PARD3B: variants seen among roughly 807,000 people sequenced by gnomAD.
PARD3B encodes the protein par-3 family cell polarity regulator beta.
In PARD3B, 103 loss-of-function variants were observed where a neutral mutation model predicts 130.2. The observed-to-expected ratio is 0.79, with a 90% CI of 0.67 to 0.93. The LOEUF (loss-of-function observed/expected upper bound fraction) is 0.93, where lower values mean the gene tolerates loss of function less well. PARD3B is among the 40% of genes least tolerant of loss of function. The pLI, the probability that PARD3B is intolerant of heterozygous loss-of-function variation, is 0.00. For missense variants in PARD3B, 1,609 were observed against 1,499.2 expected, an observed-to-expected ratio of 1.07 and a Z score of -1.21; for synonymous variants, 583 against 553.2, an observed-to-expected ratio of 1.05 and a Z score of -0.76.
At position 205,034,967 on chromosome 2, in the gene PARD3B, C is replaced by CT. The variant is rs199760065; in HGVS notation, c.395-12613dup. ...CGCCACCTGAGTTCAAGTGATCCTC[C>CT]TGCCTCATCCTCCAGAGTAGCTGGG... On this transcript the variant is annotated intron_variant, in intron 3 of 22. Coordinates refer to ENST00000406610, the MANE Select transcript of PARD3B (RefSeq NM_001302769.2). Among the ~76,000 whole-genome samples the CT allele has an allele frequency of 3.6e-3, 552 of 152,280 alleles. 3 individuals carry two copies. The highest frequency in any genetic ancestry group is 0.012 in the African/African-American group (510 of 41,578).
rs1181319206 is a variant in PARD3B, at chr2:205,341,854, A to G, written c.2630+40153A>G. ...TCTGTATTACTCCTAAATATGTACA[A>G]TTATTACACATCAACTAAAAATAAA... is the stretch of plus-strand genomic sequence containing the variant. On this transcript the variant is annotated intron_variant, in intron 18 of 22. Transcript: ENST00000406610. The surrounding 1 kb of genome is among the most constrained non-coding windows in gnomAD (Gnocchi z 4.3). Among the ~76,000 whole-genome samples, 1 of 152,140 alleles carries G rather than the reference A, an allele frequency of 6.6e-6. No homozygotes were observed. The highest frequency in any genetic ancestry group is 2.4e-5 in the African/African-American group (1 of 41,458).
At chr2:205,533,025 C>A (rs992199571) in intron 21 of PARD3B, among the ~76,000 whole-genome samples, 1 of 152,048 alleles carries the variant, frequency 6.6e-6, no homozygotes, top group Non-Finnish European at 1.5e-5. Context: ...ATCAATGGAG[C>A]TTTATTAAAA....
intron 2 of PARD3B, among the ~76,000 whole-genome samples, chr2:204,865,358 G>A (rs1441022588): frequency 6.6e-6 from 1 of 152,156 alleles, no homozygotes; most frequent in South Asian, 2.1e-4. Flanking sequence ...GGAAAATATG[G>A]AGCCAGTCCA....
At chr2:205,560,442 T>G (rs2053089158) in intron 22 of PARD3B, among the ~76,000 whole-genome samples, 1 of 146,200 alleles carries the variant, frequency 6.8e-6, no homozygotes, top group African/African-American at 2.5e-5. Context: ...TAGATGAACA[T>G]TAAGCAATAT....
intron 4 of PARD3B, among the ~76,000 whole-genome samples, chr2:205,096,590 G>T (rs1702414109): frequency 6.6e-6 from 1 of 152,110 alleles, no homozygotes; most frequent in African/African-American, 2.4e-5. Flanking sequence ...ATTTTACAAA[G>T]TTCAGAACTG....
chr2:204,555,970 C>T (rs749716827), intron 1 of PARD3B, among the ~76,000 whole-genome samples: 6 of 152,096 alleles, frequency 3.9e-5, no homozygotes, highest in African/African-American at 1.2e-4. Context: ...CCTACCATAC[C>T]ACTTATTTTA....
intron 3 of PARD3B, among the ~76,000 whole-genome samples, chr2:204,985,626 A>C (rs1693066889): frequency 6.6e-6 from 1 of 152,172 alleles, no homozygotes; most frequent in Non-Finnish European, 1.5e-5. Context: ...TGACTTCTTC[A>C]GTGGCAGAGG....
intron 15 of PARD3B, among the ~76,000 whole-genome samples, chr2:205,238,858 A>ATATATATATATATATGTATGTGTG (rs1403875395): frequency 2.0e-4 from 18 of 91,360 alleles, no homozygotes; most frequent in Non-Finnish European, 3.2e-4. Flanking sequence ...AAATATATAT[A>ATATATATATATATATGTATGTGTG]TATATATATA....
intron 18 of PARD3B, among the ~76,000 whole-genome samples, chr2:205,345,493 C>A (rs2043717798): frequency 6.6e-6 from 1 of 151,988 alleles, no homozygotes; most frequent in Admixed American, 6.6e-5. Flanking sequence ...GTCAGAGAGA[C>A]CTTCCTGCTT....
chr2:205,053,417 C>T (rs1383983605), intron 4 of PARD3B, among the ~76,000 whole-genome samples: 1 of 151,946 alleles, frequency 6.6e-6, no homozygotes, highest in Non-Finnish European at 1.5e-5. Flanking sequence ...GCAGGTGGAT[C>T]ACCTGAGGTT....
intron 16 of PARD3B, among the ~76,000 whole-genome samples, chr2:205,259,574 A>G (rs2040222565): frequency 6.6e-6 from 1 of 152,084 alleles, no homozygotes; most frequent in African/African-American, 2.4e-5. Context: ...GGTATGTGGT[A>G]TGACTCCCAT....
At chr2:204,935,083 T>A (rs978321224) in intron 2 of PARD3B, among the ~76,000 whole-genome samples, 1 of 152,044 alleles carries the variant, frequency 6.6e-6, no homozygotes, top group Non-Finnish European at 1.5e-5. Context: ...GTCACTGTTA[T>A]CCCACAGTTT....
intron 18 of PARD3B, among the ~76,000 whole-genome samples, chr2:205,356,045 A>G (rs1038330107): frequency 1.3e-5 from 2 of 152,184 alleles, no homozygotes; most frequent in Non-Finnish European, 2.9e-5. Context: ...AAACCTAACC[A>G]TATCACATAT....
Position 204,619,922 on chromosome 2 carries a change from G to A in PARD3B, c.121-66259G>A, listed in dbSNP as rs1037487730. Among the ~76,000 whole-genome samples, 71 of 152,094 alleles carry A rather than the reference G, an allele frequency of 4.7e-4. 1 individual carries two copies. The highest frequency in any genetic ancestry group is 5.6e-4 in the African/African-American group (23 of 41,420). ...GGGAAGGGTGCTCTACTTATTGTAG[G>A]CACTCAGGCTGACAAAGCTCCATCT... On this transcript the variant is annotated intron_variant, in intron 1 of 22. Coordinates refer to ENST00000406610, the MANE Select transcript of PARD3B (RefSeq NM_001302769.2).
At chr2:205,023,708 C>T (rs1696803490) in intron 3 of PARD3B, among the ~76,000 whole-genome samples, 1 of 151,946 alleles carries the variant, frequency 6.6e-6, no homozygotes, top group African/African-American at 2.4e-5. Context: ...CATATTTCTT[C>T]TGCAACTTGA....
chr2:205,089,449 A>G (rs1286985295), intron 4 of PARD3B, among the ~76,000 whole-genome samples: 1 of 152,124 alleles, frequency 6.6e-6, no homozygotes, highest in African/African-American at 2.4e-5. Context: ...TTTTTCTGCA[A>G]GCGCTTAATC....
chr2:205,007,386 C>T (rs1005993056), intron 3 of PARD3B, among the ~76,000 whole-genome samples: 1 of 152,154 alleles, frequency 6.6e-6, no homozygotes, highest in Non-Finnish European at 1.5e-5. Context: ...GATGGCGATC[C>T]AGATTCATTC....
intron 19 of PARD3B, among the ~76,000 whole-genome samples, chr2:205,425,140 C>T (rs2047101201): frequency 6.6e-6 from 1 of 152,118 alleles, no homozygotes; most frequent in African/African-American, 2.4e-5. Context: ...TGTAGGGGGA[C>T]TGTCTAGGAT....
At chr2:205,061,519 T>C (rs1274545514) in intron 4 of PARD3B, among the ~76,000 whole-genome samples, 1 of 152,172 alleles carries the variant, frequency 6.6e-6, no homozygotes, top group Non-Finnish European at 1.5e-5. Flanking sequence ...GTAAAAATTC[T>C]TAGAACACAT....
Sources: allele counts gnomAD v4.1 joint callset (sites outside exome capture counted in the v4.1 genomes callset), GRCh38; gene constraint gnomAD v4.1.1; non-coding constraint Gnocchi (gnomAD v3.1); transcripts MANE v1.5; gene names NCBI Gene and HGNC (gene_info 2026-07-23, HGNC 2026-07-21).